Variants in ZNF536 observed in about 807,000 individuals in gnomAD.
ZNF536 encodes zinc finger protein 536.
Under a neutral mutation model 84.5 loss-of-function variants are expected in ZNF536, and 13 were observed. The ratio of observed to expected loss-of-function variants is 0.15; its 90% CI spans 0.10 to 0.24. ZNF536 has a LOEUF of 0.24. Ranked by LOEUF, ZNF536 falls within the 10% of genes least tolerant of loss-of-function variation. The pLI is 1.00. For synonymous variants in ZNF536, 811 were observed against 742.5 expected, an observed-to-expected ratio of 1.09 and a Z score of -1.50; for missense variants, 1,536 against 1,747.5, an observed-to-expected ratio of 0.88 and a Z score of 2.16.
At chr19:30,499,405 C>G (rs938758193) in intron 2 of ZNF536, among the ~76,000 whole-genome samples, 1 of 151,884 alleles carries the variant, frequency 6.6e-6, no homozygotes, top group Admixed American at 6.6e-5. Context: ...ATGTATGTAT[C>G]TATCTGTGTT....
At chr19:30,329,389 G>T (rs1002730815) in intron 2 of ZNF536, among the ~76,000 whole-genome samples, 6 of 152,110 alleles carry the variant, frequency 3.9e-5, no homozygotes, top group African/African-American at 1.2e-4. Flanking sequence ...TTTTGGAGGT[G>T]GGGGGCTGGG....
At chr19:30,683,334 A>G (rs1205512476) in intron 1 of ZNF536, among the ~76,000 whole-genome samples, 2 of 152,246 alleles carry the variant, frequency 1.3e-5, no homozygotes, top group Non-Finnish European at 2.9e-5. Flanking sequence ...TTTGACCATG[A>G]GCTCTAAGTA....
At chr19:30,287,646 A>G (rs1445280576) in intron 2 of ZNF536, among the ~76,000 whole-genome samples, 3 of 104,888 alleles carry the variant, frequency 2.9e-5, no homozygotes, top group African/African-American at 4.0e-5. Flanking sequence ...GGGTGGATGG[A>G]TGGGTGGGTG....
intron 1 of ZNF536, among the ~76,000 whole-genome samples, chr19:30,664,792 T>C (rs900312000): frequency 2.6e-5 from 4 of 152,198 alleles, no homozygotes; most frequent in African/African-American, 9.6e-5. Context: ...CGCTTTCTGC[T>C]ATGAAGATCT....
chr19:30,399,801 C>T (rs983971059), intron 1 of ZNF536, among the ~76,000 whole-genome samples: 1 of 151,112 alleles, frequency 6.6e-6, no homozygotes, highest in African/African-American at 2.4e-5. Flanking sequence ...GATTCTCCTG[C>T]CTCAGCCTCC....
chr19:30,585,282 C>G (rs896806890), intron 1 of ZNF536, among the ~76,000 whole-genome samples: 1 of 152,116 alleles, frequency 6.6e-6, no homozygotes, highest in Non-Finnish European at 1.5e-5. Context: ...GGACTGTAAT[C>G]CTCATGAGGG....
At chr19:30,618,513 A>G (rs1302488151) in intron 1 of ZNF536, among the ~76,000 whole-genome samples, 1 of 152,142 alleles carries the variant, frequency 6.6e-6, no homozygotes, top group Non-Finnish European at 1.5e-5. Context: ...TGGCTTACTT[A>G]TACTTATTGA....
chr19:30,642,195 C>T (rs982566506), intron 1 of ZNF536, among the ~76,000 whole-genome samples: 5 of 152,154 alleles, frequency 3.3e-5, no homozygotes, highest in Admixed American at 6.5e-5. Flanking sequence ...TCAGAAAGTT[C>T]GTTTGCATTG....
chr19:30,463,741 A>G (rs1421703228), intron 2 of ZNF536, among the ~76,000 whole-genome samples: 1 of 152,124 alleles, frequency 6.6e-6, no homozygotes, highest in Non-Finnish European at 1.5e-5. Flanking sequence ...TTTACAGCAC[A>G]GGGCCTGCCA....
At chr19:30,361,654 G>T (rs1304730592) in intron 3 of ZNF536, among the ~76,000 whole-genome samples, 2 of 152,216 alleles carry the variant, frequency 1.3e-5, no homozygotes, top group East Asian at 3.9e-4. Context: ...GCAGAGAAAT[G>T]CCACTTCTCT....
At chr19:30,260,406 G>A (rs1379919711) in intron 1 of ZNF536, among the ~76,000 whole-genome samples, 3 of 152,202 alleles carry the variant, frequency 2.0e-5, no homozygotes, top group African/African-American at 7.2e-5. Flanking sequence ...CAGGATAAGA[G>A]GATTCTCCTA....
At chr19:30,539,098 G>T (rs1199522865) in intron 3 of ZNF536, among the ~76,000 whole-genome samples, 1 of 150,956 alleles carries the variant, frequency 6.6e-6, no homozygotes, top group Non-Finnish European at 1.5e-5. Context: ...AAAAGAAAAA[G>T]AAAAGAAAAG....
intron 2 of ZNF536, among the ~76,000 whole-genome samples, chr19:30,458,450 T>G (rs1357191164): frequency 7.1e-6 from 1 of 140,982 alleles, no homozygotes; most frequent in African/African-American, 2.7e-5. Flanking sequence ...TCCTGCTGTT[T>G]TTTTTTTTTT....
intron 1 of ZNF536, among the ~76,000 whole-genome samples, chr19:30,622,678 T>C (rs1016529780): frequency 6.6e-6 from 1 of 152,196 alleles, no homozygotes; most frequent in Non-Finnish European, 1.5e-5. Context: ...TACCCTCAGC[T>C]CCCTGGTTCC....
chr19:30,462,428 T>G (rs1029079265), intron 2 of ZNF536, among the ~76,000 whole-genome samples: 1 of 152,060 alleles, frequency 6.6e-6, no homozygotes, highest in African/African-American at 2.4e-5. Context: ...GTTACCTTAA[T>G]TTTTCAGGTG....
At chr19:30,366,970 C>T (rs538354160) in intron 3 of ZNF536, among the ~76,000 whole-genome samples, 2 of 152,302 alleles carry the variant, frequency 1.3e-5, no homozygotes, top group East Asian at 1.9e-4. Context: ...GATGGCAGCA[C>T]CTGGACAGAG....
At chr19:30,320,697 G>T (rs1226992361) in intron 2 of ZNF536, among the ~76,000 whole-genome samples, 1 of 152,120 alleles carries the variant, frequency 6.6e-6, no homozygotes, top group Non-Finnish European at 1.5e-5. Context: ...TGGGCCCAGG[G>T]AAGGGTAAAA....
intron 2 of ZNF536, among the ~76,000 whole-genome samples, chr19:30,477,443 A>T (rs1001400704): frequency 1.3e-5 from 2 of 152,214 alleles, no homozygotes; most frequent in African/African-American, 4.8e-5. Context: ...GTCGTATGAC[A>T]TGCATGCATT....
chr19:30,379,063 G>A (rs1600466678), intron 1 of ZNF536, among the ~76,000 whole-genome samples: 1 of 152,214 alleles, frequency 6.6e-6, no homozygotes, highest in East Asian at 1.9e-4. Context: ...TAACACATGT[G>A]CCGTCACCTT....
Sources: gnomAD v4.1 joint callset for allele counts (sites outside exome capture counted in the v4.1 genomes callset) on GRCh38, gnomAD v4.1.1 for gene constraint, MANE v1.5 for transcripts, NCBI Gene and HGNC (gene_info 2026-07-23, HGNC 2026-07-21) for gene names.